C6: variants seen among roughly 807,000 people sequenced by gnomAD.
C6 encodes complement component C6.
A neutral mutation model predicts 112.9 loss-of-function variants in C6; 101 were observed. The observed-to-expected ratio is 0.89, with a 90% CI of 0.76 to 1.06. The LOEUF is 1.06. Among genes scored for constraint, C6 ranks in the 50% least tolerant of loss-of-function variants. C6 has a pLI of 0.00. For missense variants in C6, 1,202 were observed against 1,104.6 expected (o/e 1.09, Z -1.25); for synonymous variants, 431 against 384.1 (o/e 1.12, Z -1.43).
intron 7 of C6, among the ~76,000 whole-genome samples, chr5:41,179,649 A>G (rs1026404040): frequency 2.0e-5 from 3 of 148,758 alleles, no homozygotes; most frequent in Non-Finnish European, 4.5e-5. Context: ...GCCCATTCTA[A>G]ACTAAGTTAT....
chr5:41,207,354 CG>C (rs1440358648), intron 1 of C6, among the ~76,000 whole-genome samples: 8 of 152,150 alleles, frequency 5.3e-5, no homozygotes, highest in Non-Finnish European at 7.4e-5. Context: ...ATCATAATGA[CG>C]GGTTCAAATT....
intron 7 of C6, among the ~76,000 whole-genome samples, chr5:41,177,477 G>A (rs1748950573): frequency 6.6e-6 from 1 of 151,938 alleles, no homozygotes; most frequent in Non-Finnish European, 1.5e-5. Flanking sequence ...AGGTTTATAA[G>A]TGTATTTATG....
intron 1 of C6, among the ~76,000 whole-genome samples, chr5:41,204,044 A>C (rs144469403): frequency 1.3e-5 from 2 of 152,342 alleles, no homozygotes; most frequent in African/African-American, 4.8e-5. Flanking sequence ...AAGATCCATG[A>C]GTTATTTGCA....
rs1327935022 is a variant in C6 at position 41,201,689 on chromosome 5, G to C, written c.169C>G (p.Gln57Glu). The change falls in exon 3 of 18, where the codon CAG (glutamine) becomes GAG (glutamate). Residue 57 changes from glutamine (Q) to glutamate (E), a missense_variant. Coordinates refer to ENST00000337836, the MANE Select transcript of C6 (RefSeq NM_000065.5). ...HRQIVVDKYY[Q>E]ENFCEQICSK... ...CAAATCTGTTCACAAAAGTTTTCCTGGTAGTACTTATCTACTACTATTTGT... is the reference window on the plus strand; with the variant it reads ...CAAATCTGTTCACAAAAGTTTTCCTCGTAGTACTTATCTACTACTATTTGT... The C allele has an allele frequency of 6.2e-7, 1 of 1,613,472 alleles. No homozygotes were observed. Among genetic ancestry groups the C allele is most frequent in the East Asian group, 2.2e-5 (1 of 44,814 alleles).
chr5:41,205,446 G>A (rs2150375130), intron 1 of C6, among the ~76,000 whole-genome samples: 1 of 152,346 alleles, frequency 6.6e-6, no homozygotes, highest in East Asian at 1.9e-4. Context: ...GGATGTGCAA[G>A]GGGTCGGGGA....
Position 41,160,006 on chromosome 5 carries a change from G to A in C6, c.1684+136C>T, listed in dbSNP as rs142196812. On this transcript the variant is annotated intron_variant, in intron 11 of 17. Transcript: ENST00000337836. ...GTTACAGCTGAGACTCACACTTTTTGCAGGTTTATCTTCCCTCTGAGCCTG... is the reference window on the plus strand; with the variant it reads ...GTTACAGCTGAGACTCACACTTTTTACAGGTTTATCTTCCCTCTGAGCCTG... 2.6e-4 allele frequency: 184 copies of A among 718,526 alleles called. 2 individuals carry two copies. The African/African-American group carries it at 2.8e-3, about 11-fold the overall frequency. 44.5% of individuals were successfully genotyped at this position (718,526 alleles called of 1,614,324 possible). A position where few individuals can be genotyped will look rare whatever the true frequency, so the allele number is the denominator to read the frequency against.
chr5:41,259,842 G>C (rs1741937135), intron 1 of C6, among the ~76,000 whole-genome samples: 1 of 152,132 alleles, frequency 6.6e-6, no homozygotes, highest in Non-Finnish European at 1.5e-5. Context: ...TTTCAATAGG[G>C]GTGCTGTTGG....
intron 1 of C6, among the ~76,000 whole-genome samples, chr5:41,228,003 A>G (rs1739630351): frequency 6.6e-6 from 1 of 152,144 alleles, no homozygotes; most frequent in African/African-American, 2.4e-5. Flanking sequence ...TTTTCTGTGA[A>G]GAATGCCATT....
intron 6 of C6, among the ~76,000 whole-genome samples, chr5:41,185,800 C>T (rs1182325710): frequency 3.9e-5 from 6 of 152,270 alleles, no homozygotes; most frequent in South Asian, 4.1e-4. Context: ...AGCATGGACT[C>T]GAATCAGGAA....
intron 1 of C6, among the ~76,000 whole-genome samples, chr5:41,254,461 A>T (rs1047387308): frequency 6.6e-6 from 1 of 152,182 alleles, no homozygotes; most frequent in East Asian, 1.9e-4. Flanking sequence ...TTAGCTAGTA[A>T]AATAGAGTTT....
rs1745412782 is a variant in C6 at position 41,142,139 on chromosome 5, G to A, written c.*686C>T. On this transcript the variant is annotated 3_prime_UTR_variant, in exon 18 of 18. Transcript: ENST00000337836. ...AATCATCCTTACAGCGATGTTTATT[G>A]TTATGGAATATTTCCTTGCATAAGA... 1 of 152,406 alleles carries A rather than the reference G, an allele frequency of 6.6e-6. No individual in the cohort carries two copies. The highest frequency in any genetic ancestry group is 2.4e-5 in the African/African-American group (1 of 41,442). The allele number at this position is 152,406 out of a possible 1,614,324, so 9.4% of individuals were successfully genotyped here.
In C6 at chr5:41,181,408, A is replaced by C. The variant is rs966341758; in HGVS notation, c.878T>G (p.Ile293Ser). 1.4e-5 allele frequency: 22 copies of C among 1,613,840 alleles called. No homozygotes were observed. Among genetic ancestry groups the C allele is most frequent in the Non-Finnish European group, 1.9e-5 (22 of 1,179,844 alleles). ...TTGTTTGAAGGCAGAATTATGGTTG[A>C]TATTTTCACTTCTCTTTGAGGAATA... ...IFYSSKRSEN[I>S]NHNSAFKQAI... The change falls in exon 7 of 18, where the codon ATC becomes AGC. Residue 293 changes from isoleucine to serine, a missense_variant. Ile to Ser is a moderately radical substitution (Grantham distance 142). Transcript: ENST00000337836.
intron 1 of C6, chr5:41,203,578 C>CA: frequency 1.6e-4 from 48 of 297,262 alleles, no homozygotes; most frequent in Admixed American, 2.6e-4. Flanking sequence ...ACAGTCTTAC[C>CA]CTTCTCAAAA....
chr5:41,248,416 G>A (rs556147613), intron 1 of C6, among the ~76,000 whole-genome samples: 2 of 152,268 alleles, frequency 1.3e-5, no homozygotes, highest in Admixed American at 1.3e-4. Context: ...ATATTTGCAA[G>A]CTATGCATCT....
chr5:41,190,110 G>C (rs922600561), intron 5 of C6, among the ~76,000 whole-genome samples: 46 of 152,084 alleles, frequency 3.0e-4, no homozygotes, highest in African/African-American at 1.1e-3. Flanking sequence ...GATTTCCTTT[G>C]CTTTGGATGT....
chr5:41,189,818 T>C (rs1037299482), intron 5 of C6, among the ~76,000 whole-genome samples: 1 of 152,124 alleles, frequency 6.6e-6, no homozygotes, highest in African/African-American at 2.4e-5. Flanking sequence ...AATCTACTTG[T>C]ATGAGATCAA....
chr5:41,207,090 G>T (rs943749357), intron 1 of C6, among the ~76,000 whole-genome samples: 1 of 152,166 alleles, frequency 6.6e-6, no homozygotes, highest in African/African-American at 2.4e-5. Context: ...TTAAAGAAAA[G>T]AATTTTCAAC....
chr5:41,161,981 T>C (rs1747560426), intron 9 of C6, 122 bp from the exon 10 acceptor site: 1 of 882,330 alleles, frequency 1.1e-6, no homozygotes, highest in Non-Finnish European at 1.8e-6. Flanking sequence ...GTAGCTCCAT[T>C]AAGAAAGCTA....
chr5:41,209,599 G>T (rs1242930069), intron 1 of C6, among the ~76,000 whole-genome samples: 1 of 152,044 alleles, frequency 6.6e-6, no homozygotes, highest in Non-Finnish European at 1.5e-5. Flanking sequence ...CCAAATCATG[G>T]TAAACTCCCA....
Sources: allele counts gnomAD v4.1 joint callset (sites outside exome capture counted in the v4.1 genomes callset), GRCh38; gene constraint gnomAD v4.1.1; transcripts MANE v1.5; gene names NCBI Gene and HGNC (gene_info 2026-07-23, HGNC 2026-07-21).